NRG1: variants seen among roughly 807,000 people sequenced by gnomAD.
NRG1 encodes pro-neuregulin-1, membrane-bound isoform.
Under a neutral mutation model 63.8 loss-of-function variants are expected in NRG1, and 18 were observed. The ratio of observed to expected loss-of-function variants is 0.28; its 90% CI spans 0.19 to 0.42. NRG1 has a LOEUF of 0.42. Among genes scored for constraint, NRG1 ranks in the 10% least tolerant of loss-of-function variants. NRG1 has a pLI of 1.00. For missense variants in NRG1, 762 were observed against 814.7 expected (o/e 0.94, Z 0.79); for synonymous variants, 302 against 301.3 (o/e 1.00, Z -0.02).
intron 1 of NRG1, among the ~76,000 whole-genome samples, chr8:32,131,125 T>A (rs1478016132): frequency 6.6e-6 from 1 of 152,022 alleles, no homozygotes; most frequent in Non-Finnish European, 1.5e-5. Flanking sequence ...ATACATTTGT[T>A]ATCAAAAATG....
chr8:32,454,511 G>GT, intron 1 of NRG1, among the ~76,000 whole-genome samples: 1 of 144,106 alleles, frequency 6.9e-6, no homozygotes, highest in East Asian at 2.2e-4. Context: ...CTCAATTTTA[G>GT]TAAGAAAAAA....
At chr8:31,704,972 A>C (rs1463168500) in intron 1 of NRG1, among the ~76,000 whole-genome samples, 2 of 152,176 alleles carry the variant, frequency 1.3e-5, no homozygotes, top group Non-Finnish European at 2.9e-5. Flanking sequence ...AGATATTTTG[A>C]AATAAAATTC....
At chr8:32,279,747 T>G (rs1174774553) in intron 1 of NRG1, among the ~76,000 whole-genome samples, 1 of 152,204 alleles carries the variant, frequency 6.6e-6, no homozygotes, top group Non-Finnish European at 1.5e-5. Context: ...AAGGCTGTGA[T>G]CTTTCTAGGT....
At chr8:32,361,393 A>G (rs1464488083) in intron 1 of NRG1, among the ~76,000 whole-genome samples, 1 of 152,046 alleles carries the variant, frequency 6.6e-6, no homozygotes, top group Non-Finnish European at 1.5e-5. Flanking sequence ...ACTGAACCAA[A>G]CAGAAGCCCT....
intron 1 of NRG1, among the ~76,000 whole-genome samples, chr8:32,317,652 C>T (rs1166680311): frequency 6.6e-6 from 1 of 151,996 alleles, no homozygotes; most frequent in Non-Finnish European, 1.5e-5. Flanking sequence ...ACTCCTAGCT[C>T]GAAATCACAG....
chr8:32,740,165 G>A (rs373903649), intron 6 of NRG1, among the ~76,000 whole-genome samples: 2 of 144,786 alleles, frequency 1.4e-5, no homozygotes, highest in African/African-American at 2.6e-5. Context: ...ATGAAATGGC[G>A]TCTTTTTGAG....
At chr8:32,021,863 AT>A (rs1563688996) in intron 1 of NRG1, among the ~76,000 whole-genome samples, 1 of 151,968 alleles carries the variant, frequency 6.6e-6, no homozygotes, top group Non-Finnish European at 1.5e-5. Context: ...TAATGTTAAC[AT>A]TTTTTTCCTT....
At chr8:32,514,105 G>T (rs1416251117) in intron 1 of NRG1, among the ~76,000 whole-genome samples, 1 of 152,126 alleles carries the variant, frequency 6.6e-6, no homozygotes, top group Non-Finnish European at 1.5e-5. Flanking sequence ...ACACTTCTTT[G>T]CCAAGACTTG....
intron 1 of NRG1, among the ~76,000 whole-genome samples, chr8:31,662,628 G>T (rs778412571): frequency 9.9e-5 from 15 of 152,126 alleles, no homozygotes; most frequent in Non-Finnish European, 1.9e-4. Context: ...ATAAGTCAAG[G>T]TCGTCACCTT....
chr8:31,958,771 T>C (rs1210463686), intron 1 of NRG1, among the ~76,000 whole-genome samples: 5 of 152,232 alleles, frequency 3.3e-5, no homozygotes, highest in Non-Finnish European at 7.3e-5. Flanking sequence ...TTTTCCTATG[T>C]GTGTACCTAT....
chr8:31,971,829 C>T (rs1807332295), intron 1 of NRG1, among the ~76,000 whole-genome samples: 1 of 152,134 alleles, frequency 6.6e-6, no homozygotes, highest in Admixed American at 6.5e-5. Flanking sequence ...GGTGTGGGCT[C>T]TTTTTGGTTA....
chr8:32,426,735 C>A (rs996098101), intron 1 of NRG1, among the ~76,000 whole-genome samples: 2 of 152,168 alleles, frequency 1.3e-5, no homozygotes, highest in Non-Finnish European at 2.9e-5. Flanking sequence ...ATAAGCTTCT[C>A]TTTCAACCAC....
At chr8:32,143,751 T>A (rs1418822541) in intron 1 of NRG1, among the ~76,000 whole-genome samples, 1 of 152,172 alleles carries the variant, frequency 6.6e-6, no homozygotes, top group African/African-American at 2.4e-5. Flanking sequence ...TCTTTCAAAG[T>A]CAACAGTTTA....
intron 1 of NRG1, among the ~76,000 whole-genome samples, chr8:32,242,014 G>C (rs1304232714): frequency 6.6e-6 from 1 of 152,042 alleles, no homozygotes; most frequent in Non-Finnish European, 1.5e-5. Context: ...TGTCCTCCTA[G>C]AGTGTTGGGA....
At chr8:32,691,646 C>G (rs578076070) in intron 5 of NRG1, among the ~76,000 whole-genome samples, 1 of 152,318 alleles carries the variant, frequency 6.6e-6, no homozygotes, top group African/African-American at 2.4e-5. Flanking sequence ...TTCATGTACT[C>G]TTGCTCAACT....
intron 1 of NRG1, among the ~76,000 whole-genome samples, chr8:32,031,406 C>T (rs1818234469): frequency 6.6e-6 from 1 of 152,212 alleles, no homozygotes; most frequent in Admixed American, 6.5e-5. Context: ...TGTTGTTAGG[C>T]CCCTGCAGCT....
chr8:32,219,977 A>AC (rs1845639624), intron 1 of NRG1, among the ~76,000 whole-genome samples: 2 of 152,188 alleles, frequency 1.3e-5, no homozygotes, highest in East Asian at 3.9e-4. Context: ...GAAGAGACAC[A>AC]CCCCCGGCTG....
At chr8:31,777,807 G>A (rs1028746084) in intron 1 of NRG1, among the ~76,000 whole-genome samples, 4 of 152,070 alleles carry the variant, frequency 2.6e-5, no homozygotes, top group African/African-American at 7.2e-5. Context: ...AGGTTGGCAG[G>A]GGGTGTGTGG....
intron 1 of NRG1, among the ~76,000 whole-genome samples, chr8:32,098,080 C>G (rs898296956): frequency 2.0e-5 from 3 of 151,888 alleles, no homozygotes; most frequent in Non-Finnish European, 4.4e-5. Context: ...TAAGAGTTGC[C>G]AGAGAAAGAA....
Sources: gnomAD v4.1 joint callset for allele counts (sites outside exome capture counted in the v4.1 genomes callset) on GRCh38, gnomAD v4.1.1 for gene constraint, MANE v1.5 for transcripts, NCBI Gene and HGNC (gene_info 2026-07-23, HGNC 2026-07-21) for gene names.